The following KCNH8 variants were observed in gnomAD, a reference collection of about 807,000 sequenced individuals.
KCNH8 encodes the protein potassium voltage-gated channel subfamily H member 8.
In KCNH8, 70 loss-of-function variants were observed where a neutral mutation model predicts 103.6. The ratio of observed to expected loss-of-function variants is 0.68; its 90% CI spans 0.56 to 0.82. The LOEUF (loss-of-function observed/expected upper bound fraction) is 0.82. Among genes scored for constraint, KCNH8 ranks in the 40% least tolerant of loss-of-function variants. The pLI, the probability that KCNH8 is intolerant of heterozygous loss-of-function variation, is 0.00. For missense variants in KCNH8, 1,217 were observed against 1,329.9 expected, an observed-to-expected ratio of 0.92 and a Z score of 1.32; for synonymous variants, 498 against 489.4, an observed-to-expected ratio of 1.02 and a Z score of -0.23.
At chr3:19,181,273 C>G (rs2063450480) in intron 1 of KCNH8, among the ~76,000 whole-genome samples, 1 of 152,108 alleles carries the variant, frequency 6.6e-6, no homozygotes, top group Admixed American at 6.5e-5. Flanking sequence ...CAGATCTATT[C>G]CTTGCCCTTC....
intron 1 of KCNH8, among the ~76,000 whole-genome samples, chr3:19,180,591 T>C (rs927379395): frequency 2.6e-5 from 4 of 152,206 alleles, no homozygotes; most frequent in African/African-American, 9.6e-5. Context: ...TTTTCTGAAC[T>C]TGACTTCAGG....
chr3:19,327,611 A>G (rs993373135), intron 3 of KCNH8, among the ~76,000 whole-genome samples: 1 of 152,126 alleles, frequency 6.6e-6, no homozygotes, highest in Admixed American at 6.6e-5. Context: ...ATTATAGACA[A>G]TCTAACCTTT....
intron 5 of KCNH8, among the ~76,000 whole-genome samples, chr3:19,355,451 C>T (rs185000141): frequency 0.012 from 1,798 of 152,218 alleles, 11 homozygotes; most frequent in Non-Finnish European, 0.017. Flanking sequence ...TATTGCAGCA[C>T]TATTCACAAT....
Position 19,308,101 on chromosome 3 carries a change from CTCTGA to C in KCNH8, c.442+26779_442+26783del, listed in dbSNP as rs543310633. Among the ~76,000 whole-genome samples, 298 of 151,924 alleles carry C rather than the reference CTCTGA, an allele frequency of 2.0e-3. 4 individuals are homozygous for C. The highest frequency in any genetic ancestry group is 4.6e-3 in the South Asian group (22 of 4,816). On this transcript the variant is annotated intron_variant, in intron 3 of 15. Transcript: ENST00000328405. The stretch of plus-strand genomic sequence containing the variant: ...AATGTGTAAGATGATGATTATGCTA[CTCTGA>C]TCTGATTGCTATATGTTATATGTAT...
intron 11 of KCNH8, among the ~76,000 whole-genome samples, chr3:19,469,379 A>G (rs1380652920): frequency 6.6e-6 from 1 of 152,160 alleles, no homozygotes; most frequent in Non-Finnish European, 1.5e-5. Flanking sequence ...AAGCTCATTA[A>G]ATAATGGCCT....
At chr3:19,227,074 T>A (rs2063940592) in intron 1 of KCNH8, among the ~76,000 whole-genome samples, 1 of 152,170 alleles carries the variant, frequency 6.6e-6, no homozygotes, top group African/African-American at 2.4e-5. Flanking sequence ...GAATTTATTG[T>A]TTATACTCAG....
intron 11 of KCNH8, among the ~76,000 whole-genome samples, chr3:19,509,966 G>A (rs1364673390): frequency 6.7e-6 from 1 of 148,996 alleles, no homozygotes; most frequent in Non-Finnish European, 1.5e-5. Flanking sequence ...AGCAAATTTA[G>A]CAAAATAGCA....
intron 6 of KCNH8, among the ~76,000 whole-genome samples, chr3:19,392,785 C>G (rs887615597): frequency 5.3e-5 from 8 of 151,730 alleles, no homozygotes; most frequent in Admixed American, 1.3e-4. Flanking sequence ...ATAAGAGATA[C>G]AATTATGAAT....
At chr3:19,456,096 C>T (rs1224490791) in intron 10 of KCNH8, among the ~76,000 whole-genome samples, 1 of 151,988 alleles carries the variant, frequency 6.6e-6, no homozygotes, top group African/African-American at 2.4e-5. Context: ...TTCTTCCACA[C>T]CATGTGGCTA....
intron 5 of KCNH8, among the ~76,000 whole-genome samples, chr3:19,380,948 G>A (rs1315700603): frequency 6.6e-6 from 1 of 152,156 alleles, no homozygotes; most frequent in Non-Finnish European, 1.5e-5. Flanking sequence ...ATCATAATGT[G>A]CTTAAGTGAG....
intron 2 of KCNH8, among the ~76,000 whole-genome samples, chr3:19,269,381 C>T (rs532043836): frequency 6.6e-6 from 1 of 152,048 alleles, no homozygotes; most frequent in African/African-American, 2.4e-5. Flanking sequence ...CAGAACTATA[C>T]TAGGAGTGAA....
At chr3:19,338,700 A>G (rs150190359) in intron 3 of KCNH8, among the ~76,000 whole-genome samples, 2 of 152,194 alleles carry the variant, frequency 1.3e-5, no homozygotes, top group East Asian at 3.9e-4. Flanking sequence ...ATTTCTCTAA[A>G]CAATATATCA....
chr3:19,462,804 G>T (rs1227212888), intron 11 of KCNH8, among the ~76,000 whole-genome samples: 2 of 152,084 alleles, frequency 1.3e-5, no homozygotes, highest in East Asian at 3.8e-4. Context: ...AATCCATCTT[G>T]AATTAATTTT....
chr3:19,343,231 AT>A (rs1476553623), intron 4 of KCNH8, among the ~76,000 whole-genome samples: 1 of 152,142 alleles, frequency 6.6e-6, no homozygotes, highest in African/African-American at 2.4e-5. Flanking sequence ...TGGATTTACA[AT>A]TGCATACCAT....
chr3:19,344,799 C>T (rs1233349561), intron 4 of KCNH8, among the ~76,000 whole-genome samples: 1 of 152,088 alleles, frequency 6.6e-6, no homozygotes, highest in Non-Finnish European at 1.5e-5. Flanking sequence ...TTGCTATTTA[C>T]AAATTCCTTT....
intron 2 of KCNH8, among the ~76,000 whole-genome samples, chr3:19,275,872 G>A (rs745681529): frequency 5.3e-5 from 8 of 152,186 alleles, no homozygotes; most frequent in South Asian, 2.1e-4. Context: ...GTGAAAAGCC[G>A]TCAGGTGTTT....
chr3:19,456,285 C>A (rs534021927), intron 10 of KCNH8, among the ~76,000 whole-genome samples: 1 of 152,042 alleles, frequency 6.6e-6, no homozygotes, highest in Non-Finnish European at 1.5e-5. Flanking sequence ...CTCAGATATT[C>A]ATAGTCAATT....
chr3:19,491,740 G>GT (rs1170873231), intron 11 of KCNH8, among the ~76,000 whole-genome samples: 2 of 152,220 alleles, frequency 1.3e-5, no homozygotes, highest in African/African-American at 2.4e-5. Flanking sequence ...ATAGTTCTTC[G>GT]TTTTTTGCGA....
intron 11 of KCNH8, among the ~76,000 whole-genome samples, chr3:19,473,506 A>G (rs181295053): frequency 1.3e-5 from 2 of 152,264 alleles, no homozygotes; most frequent in Admixed American, 6.5e-5. Context: ...CAACTCAAGT[A>G]TATGTTTTTC....
Sources: gnomAD v4.1 joint callset for allele counts (sites outside exome capture counted in the v4.1 genomes callset) on GRCh38, gnomAD v4.1.1 for gene constraint, MANE v1.5 for transcripts, NCBI Gene and HGNC (gene_info 2026-07-23, HGNC 2026-07-21) for gene names.